The following PTPRG variants were observed in gnomAD, a reference collection of about 807,000 sequenced individuals.
The protein encoded by PTPRG is receptor-type tyrosine-protein phosphatase gamma.
Under a neutral mutation model 165.3 loss-of-function variants are expected in PTPRG, and 102 were observed. That is an observed-to-expected ratio of 0.62 (90% CI 0.53 to 0.73). PTPRG has a LOEUF of 0.73. PTPRG is among the 30% of genes least tolerant of loss of function. The pLI is 0.00. For synonymous variants in PTPRG, 675 were observed against 669.5 expected, an observed-to-expected ratio of 1.01 and a Z score of -0.13; for missense variants, 1,866 against 1,861.4, an observed-to-expected ratio of 1.00 and a Z score of -0.05.
chr3:61,790,481 T>C (rs2034838290), intron 2 of PTPRG, among the ~76,000 whole-genome samples: 1 of 152,202 alleles, frequency 6.6e-6, no homozygotes, highest in Non-Finnish European at 1.5e-5. Context: ...AAAACATCAA[T>C]AGTGAGTGTA....
intron 2 of PTPRG, among the ~76,000 whole-genome samples, chr3:61,914,024 A>G (rs2038870139): frequency 6.6e-6 from 1 of 152,162 alleles, no homozygotes; most frequent in Non-Finnish European, 1.5e-5. Context: ...TTTCCAGCCT[A>G]ATTGAGTATA....
chr3:62,249,691 G>T (rs1701367136), intron 15 of PTPRG, among the ~76,000 whole-genome samples: 1 of 152,164 alleles, frequency 6.6e-6, no homozygotes, highest in African/African-American at 2.4e-5. Context: ...TAAGCATCTT[G>T]TCAGGAAGGT....
chr3:62,039,149 G>T (rs187506476), intron 4 of PTPRG, among the ~76,000 whole-genome samples: 163 of 152,082 alleles, frequency 1.1e-3, no homozygotes, highest in Non-Finnish European at 1.8e-3. Context: ...TGGCTAGGCT[G>T]CTCTTGAACT....
rs772572095 is a variant in PTPRG, at chr3:62,229,918, G to A, written c.2289-1307G>A. ...TGGCAGAATTCAGAGTAGGGCTAAGGGTTGAGAAAAAGTCTAAATATTTTA... is the reference window on the plus strand; with the variant it reads ...TGGCAGAATTCAGAGTAGGGCTAAGAGTTGAGAAAAAGTCTAAATATTTTA... On this transcript the variant is annotated intron_variant, in intron 13 of 29. Coordinates refer to ENST00000474889, the MANE Select transcript of PTPRG (RefSeq NM_002841.4). This position sits in a 1 kb window ranked among gnomAD's most constrained non-coding sequence, Gnocchi z 4.6. 6.6e-6 allele frequency among the ~76,000 whole-genome samples: 1 copy of A among 152,188 alleles called. No individual in the cohort carries two copies. Among genetic ancestry groups the A allele is most frequent in the Non-Finnish European group, 1.5e-5 (1 of 68,026 alleles).
intron 4 of PTPRG, among the ~76,000 whole-genome samples, chr3:62,016,385 C>T (rs2041544562): frequency 1.3e-5 from 2 of 152,222 alleles, no homozygotes; most frequent in South Asian, 2.1e-4. Flanking sequence ...CCAGGCTGGT[C>T]TCGAACTCCT....
intron 7 of PTPRG, among the ~76,000 whole-genome samples, chr3:62,158,563 C>T (rs575972605): frequency 3.5e-4 from 53 of 152,262 alleles, no homozygotes; most frequent in Admixed American, 1.8e-3. Flanking sequence ...ACATGTCCAT[C>T]TTTGAATGAG....
At chr3:61,770,076 C>A (rs539844854) in intron 2 of PTPRG, 1 of 152,044 alleles carries the variant, frequency 6.6e-6, no homozygotes, top group African/African-American at 2.4e-5. Flanking sequence ...GCAAAGTGGG[C>A]GGATTTTAAG....
intron 1 of PTPRG, among the ~76,000 whole-genome samples, chr3:61,622,664 G>A (rs925306484): frequency 6.6e-6 from 1 of 152,064 alleles, no homozygotes; most frequent in Non-Finnish European, 1.5e-5. Context: ...CCTTATAACT[G>A]AACAAGGTAA....
intron 1 of PTPRG, among the ~76,000 whole-genome samples, chr3:61,571,301 T>A (rs1700049556): frequency 6.6e-6 from 1 of 152,192 alleles, no homozygotes; most frequent in South Asian, 2.1e-4. Flanking sequence ...GTTTCTCTAA[T>A]CATTGCTCAG....
chr3:61,890,412 G>GTTTTTTTTTTTTTTTTTTTTTTTTTTTT (rs1388100597), intron 2 of PTPRG, among the ~76,000 whole-genome samples: 3 of 95,440 alleles, frequency 3.1e-5, no homozygotes, highest in Non-Finnish European at 3.9e-5. Context: ...CTTGTTCTTT[G>GTTTTTTTTTTTTTTTTTTTTTTTTTTTT]TTTTTTTTTT....
intron 1 of PTPRG, among the ~76,000 whole-genome samples, chr3:61,617,990 A>T (rs548444523): frequency 6.6e-6 from 1 of 152,336 alleles, no homozygotes; most frequent in African/African-American, 2.4e-5. Flanking sequence ...TGAATTATAA[A>T]TGTGCAGGTA....
chr3:61,789,739 A>G (rs910354737), intron 2 of PTPRG, among the ~76,000 whole-genome samples: 15 of 152,228 alleles, frequency 9.9e-5, no homozygotes, highest in African/African-American at 3.6e-4. Context: ...AAGTGTTTGT[A>G]TATGGTAATG....
intron 2 of PTPRG, among the ~76,000 whole-genome samples, chr3:61,926,933 CTG>C (rs1219989381): frequency 6.6e-6 from 1 of 151,998 alleles, no homozygotes; most frequent in African/African-American, 2.4e-5. Flanking sequence ...AAAAAAAAAT[CTG>C]TACATGTTGT....
At chr3:61,944,143 A>C (rs1032974346) in intron 2 of PTPRG, among the ~76,000 whole-genome samples, 4 of 151,984 alleles carry the variant, frequency 2.6e-5, no homozygotes, top group Non-Finnish European at 5.9e-5. Flanking sequence ...GTGCCTTTTA[A>C]GGGAGTTCTG....
chr3:61,723,367 C>G (rs1489488914), intron 1 of PTPRG, among the ~76,000 whole-genome samples: 4 of 152,008 alleles, frequency 2.6e-5, no homozygotes, highest in Non-Finnish European at 5.9e-5. Flanking sequence ...CTGCCCTCAT[C>G]TTCCTCCATC....
chr3:62,195,259 A>G lies in PTPRG; in HGVS notation c.1327+89A>G. On this transcript the variant is annotated intron_variant, in intron 10 of 29. Transcript: ENST00000474889. The surrounding 1 kb of genome is among the most constrained non-coding windows in gnomAD (Gnocchi z 4.4). ...TTCTTCCTGCTCAGGTGCTGGGGAA[A>G]AATACAAACAAGCCTGGCAGAAGAA... The G allele has an allele frequency of 8.6e-7, 1 of 1,161,374 alleles. No homozygotes were observed. The highest frequency in any genetic ancestry group is 1.3e-6 in the Non-Finnish European group (1 of 777,396). The allele number at this position is 1,161,374 out of a possible 1,614,324, so 71.9% of individuals were successfully genotyped here.
intron 2 of PTPRG, among the ~76,000 whole-genome samples, chr3:61,952,118 G>GAAAAAAAAAAAAAAAAAAAAAAA: frequency 1.3e-5 from 1 of 79,692 alleles, no homozygotes; most frequent in Non-Finnish European, 2.4e-5. Context: ...CTCCACCTCA[G>GAAAAAAAAAAAAAAAAAAAAAAA]AAAAAAAAAA....
intron 8 of PTPRG, among the ~76,000 whole-genome samples, chr3:62,171,047 C>T (rs1705195894): frequency 6.6e-6 from 1 of 152,168 alleles, no homozygotes. Context: ...TTGTGTCTTG[C>T]TTCTTTTGCT....
At chr3:61,953,972 A>G (rs72885828) in intron 2 of PTPRG, among the ~76,000 whole-genome samples, 5,250 of 152,276 alleles carry the variant, frequency 0.034, 246 homozygotes, top group African/African-American at 0.1. Context: ...ACATAAGACT[A>G]AGTTGCAAAC....
Sources: gnomAD v4.1 joint callset for allele counts (sites outside exome capture counted in the v4.1 genomes callset) on GRCh38, gnomAD v4.1.1 for gene constraint, Gnocchi (gnomAD v3.1) non-coding constraint, MANE v1.5 for transcripts, NCBI Gene and HGNC (gene_info 2026-07-23, HGNC 2026-07-21) for gene names.